INPP4B: variants seen among roughly 807,000 people sequenced by gnomAD.
The protein encoded by INPP4B is inositol polyphosphate 4-phosphatase type II.
In INPP4B, 55 loss-of-function variants were observed where a neutral mutation model predicts 122.5. The ratio of observed to expected loss-of-function variants is 0.45; its 90% CI spans 0.36 to 0.56. The LOEUF (loss-of-function observed/expected upper bound fraction) is 0.56, where lower values mean the gene tolerates loss of function less well. Among genes scored for constraint, INPP4B ranks in the 20% least tolerant of loss-of-function variants. The pLI, the probability that INPP4B is intolerant of heterozygous loss-of-function variation, is 0.00. For missense variants in INPP4B, 1,000 were observed against 1,097.7 expected, an observed-to-expected ratio of 0.91 and a Z score of 1.26; for synonymous variants, 403 against 388.7, an observed-to-expected ratio of 1.04 and a Z score of -0.43.
At chr4:142,200,290 T>C (rs1254664948) in intron 14 of INPP4B, among the ~76,000 whole-genome samples, 1 of 151,980 alleles carries the variant, frequency 6.6e-6, no homozygotes, top group Non-Finnish European at 1.5e-5. Flanking sequence ...TTTTAGCATG[T>C]CATTACTTTC....
At chr4:142,376,655 T>C (rs1791965803) in intron 7 of INPP4B, among the ~76,000 whole-genome samples, 1 of 151,990 alleles carries the variant, frequency 6.6e-6, no homozygotes, top group South Asian at 2.1e-4. Flanking sequence ...ATGGTTATCA[T>C]CAGCAATGAG....
intron 1 of INPP4B, among the ~76,000 whole-genome samples, chr4:142,788,598 A>G (rs1776079123): frequency 6.6e-6 from 1 of 152,096 alleles, no homozygotes; most frequent in Non-Finnish European, 1.5e-5. Flanking sequence ...CACAATTTGT[A>G]GTCTTTTATC....
intron 2 of INPP4B, among the ~76,000 whole-genome samples, chr4:142,541,081 C>T (rs1828891162): frequency 6.6e-6 from 1 of 152,070 alleles, no homozygotes; most frequent in Non-Finnish European, 1.5e-5. Context: ...CCCTTCAGGA[C>T]AAAAGCTGAT....
chr4:142,575,560 C>A (rs1733661140), intron 2 of INPP4B, among the ~76,000 whole-genome samples: 1 of 152,052 alleles, frequency 6.6e-6, no homozygotes, highest in Non-Finnish European at 1.5e-5. Context: ...GAGTTCCTCA[C>A]TTCTCATCAA....
intron 9 of INPP4B, among the ~76,000 whole-genome samples, chr4:142,285,217 G>A (rs1442252008): frequency 2.0e-5 from 3 of 151,978 alleles, no homozygotes; most frequent in East Asian, 1.9e-4. Flanking sequence ...TACTCAAATA[G>A]GGCAGAGAAA....
At chr4:142,474,064 C>G (rs1819395505) in intron 2 of INPP4B, among the ~76,000 whole-genome samples, 3 of 152,210 alleles carry the variant, frequency 2.0e-5, no homozygotes, top group Non-Finnish European at 4.4e-5. Flanking sequence ...ACCCTTACCA[C>G]TAGTAGCCAG....
intron 3 of INPP4B, among the ~76,000 whole-genome samples, chr4:142,456,990 A>T (rs1815587057): frequency 6.6e-6 from 1 of 152,114 alleles, no homozygotes; most frequent in African/African-American, 2.4e-5. Context: ...GACAGAGACA[A>T]TACATGCATA....
intron 2 of INPP4B, among the ~76,000 whole-genome samples, chr4:142,645,711 C>T (rs1350906859): frequency 6.6e-6 from 1 of 152,196 alleles, no homozygotes; most frequent in Admixed American, 6.6e-5. Context: ...GTTATATCAG[C>T]TGTTGAATTC....
intron 7 of INPP4B, among the ~76,000 whole-genome samples, chr4:142,324,907 A>G (rs1771751366): frequency 6.6e-6 from 1 of 152,104 alleles, no homozygotes; most frequent in Non-Finnish European, 1.5e-5. Context: ...ACTTCATCCA[A>G]TACAACTGCT....
At chr4:142,559,006 GC>G (rs1729880869) in intron 2 of INPP4B, among the ~76,000 whole-genome samples, 1 of 151,988 alleles carries the variant, frequency 6.6e-6, no homozygotes, top group African/African-American at 2.4e-5. Flanking sequence ...ACGCTGCGAA[GC>G]CCAACTTCTC....
intron 2 of INPP4B, among the ~76,000 whole-genome samples, chr4:142,696,177 T>A (rs897064487): frequency 4.6e-5 from 7 of 152,068 alleles, no homozygotes; most frequent in Non-Finnish European, 1.0e-4. Context: ...TTCGATGGAT[T>A]AAGGCACACT....
At chr4:142,684,978 A>T (rs1759136939) in intron 2 of INPP4B, among the ~76,000 whole-genome samples, 1 of 152,074 alleles carries the variant, frequency 6.6e-6, no homozygotes, top group Admixed American at 6.6e-5. Context: ...CAAAGAACAT[A>T]TGTGTGACTT....
chr4:142,537,429 T>TATATATATATATATATATAG (rs1200701380), intron 2 of INPP4B, among the ~76,000 whole-genome samples: 8 of 25,484 alleles, frequency 3.1e-4, no homozygotes, highest in Non-Finnish European at 5.5e-4. Context: ...TATATATATA[T>TATATATATATATATATATAG]AGAGAGAGAG....
intron 21 of INPP4B, among the ~76,000 whole-genome samples, chr4:142,116,797 G>C (rs1326678958): frequency 6.6e-6 from 1 of 151,998 alleles, no homozygotes; most frequent in Non-Finnish European, 1.5e-5. Context: ...CAGAAGGCAA[G>C]AAATAACTAA....
intron 2 of INPP4B, among the ~76,000 whole-genome samples, chr4:142,687,093 G>A (rs1234236306): frequency 1.3e-5 from 2 of 151,934 alleles, no homozygotes; most frequent in African/African-American, 4.8e-5. Flanking sequence ...CAAGATGGGG[G>A]ACTTTTTTAT....
rs1346525426 is a variant in INPP4B at position 142,403,647 on chromosome 4, T to A, written c.256-593A>T. Among the ~76,000 whole-genome samples, 4 of 152,190 alleles carry A rather than the reference T, an allele frequency of 2.6e-5. No homozygotes were observed. The East Asian group carries it at 7.7e-4, about 29-fold the overall frequency. ...CTCAGGATGCAGTGCACAGGATATT[T>A]CAATGCCTCAGAATTCATTTTTAGA... On this transcript the variant is annotated intron_variant, in intron 6 of 25. Transcript: ENST00000262992.
chr4:142,129,698 A>T (rs184535618), intron 18 of INPP4B, among the ~76,000 whole-genome samples: 52 of 152,266 alleles, frequency 3.4e-4, no homozygotes, highest in Non-Finnish European at 7.2e-4. Context: ...GCCACTCAGA[A>T]TGTCCTTCTC....
At chr4:142,111,019 G>A (rs1789755076) in intron 22 of INPP4B, among the ~76,000 whole-genome samples, 1 of 152,044 alleles carries the variant, frequency 6.6e-6, no homozygotes, top group East Asian at 1.9e-4. Flanking sequence ...TATAGTTCAT[G>A]CTCAGGAATA....
intron 2 of INPP4B, among the ~76,000 whole-genome samples, chr4:142,617,293 C>A (rs1026000231): frequency 5.3e-5 from 8 of 152,064 alleles, no homozygotes; most frequent in African/African-American, 1.9e-4. Flanking sequence ...AGGCAGATCT[C>A]ATCCATTCCC....
Sources: gnomAD v4.1 joint callset for allele counts (sites outside exome capture counted in the v4.1 genomes callset) on GRCh38, gnomAD v4.1.1 for gene constraint, MANE v1.5 for transcripts, NCBI Gene and HGNC (gene_info 2026-07-23, HGNC 2026-07-21) for gene names.